The following LRP1B variants were observed in gnomAD, a reference collection of about 807,000 sequenced individuals.
LRP1B encodes low-density lipoprotein receptor-related protein 1B.
LRP1B carries 217 observed loss-of-function variants against 556.6 expected under a neutral mutation model. The observed-to-expected ratio is 0.39, with a 90% CI of 0.35 to 0.44. The LOEUF (loss-of-function observed/expected upper bound fraction) is 0.44. Among genes scored for constraint, LRP1B ranks in the 20% least tolerant of loss-of-function variants. LRP1B has a pLI of 1.00. For synonymous variants in LRP1B, 2,047 were observed against 1,865.8 expected, an observed-to-expected ratio of 1.10 and a Z score of -2.50; for missense variants, 5,053 against 5,620.8, an observed-to-expected ratio of 0.90 and a Z score of 3.23.
chr2:141,660,392 T>C (rs1182213914), intron 2 of LRP1B, among the ~76,000 whole-genome samples: 1 of 135,304 alleles, frequency 7.4e-6, no homozygotes, highest in Non-Finnish European at 1.6e-5. Flanking sequence ...AGATTCTCAG[T>C]GGCCGCCTGG....
chr2:141,648,471 G>T (rs1574192150), intron 2 of LRP1B, among the ~76,000 whole-genome samples: 1 of 152,100 alleles, frequency 6.6e-6, no homozygotes, highest in Non-Finnish European at 1.5e-5. Flanking sequence ...CAGGAGAAAT[G>T]GACTTTTCTC....
chr2:140,553,025 A>G (rs936317721), intron 43 of LRP1B, among the ~76,000 whole-genome samples: 3 of 152,046 alleles, frequency 2.0e-5, no homozygotes, highest in Non-Finnish European at 4.4e-5. Flanking sequence ...CAGACAACAT[A>G]TTTCCAACAC....
chr2:141,016,141 C>T (rs1031529681), intron 12 of LRP1B, among the ~76,000 whole-genome samples: 4 of 152,046 alleles, frequency 2.6e-5, no homozygotes, highest in African/African-American at 9.7e-5. Context: ...AAGCCAACTA[C>T]CACCACTATC....
At chr2:141,329,924 C>T (rs1452362436) in intron 3 of LRP1B, among the ~76,000 whole-genome samples, 6 of 151,994 alleles carry the variant, frequency 3.9e-5, no homozygotes, top group East Asian at 3.9e-4. Context: ...ACCTACTCTA[C>T]GCTCAACGCA....
intron 2 of LRP1B, among the ~76,000 whole-genome samples, chr2:141,789,755 G>A (rs142734111): frequency 7.7e-4 from 117 of 152,046 alleles, no homozygotes; most frequent in African/African-American, 2.1e-3. Flanking sequence ...GGTGAGTAGG[G>A]CCAAGGAAAC....
chr2:140,261,794 A>T (rs1446200111), intron 86 of LRP1B, among the ~76,000 whole-genome samples: 1 of 151,992 alleles, frequency 6.6e-6, no homozygotes, highest in African/African-American at 2.4e-5. Context: ...ACATGAAGGA[A>T]CTGAACGGAA....
chr2:141,579,731 T>TTTC (rs1686895068), intron 2 of LRP1B, among the ~76,000 whole-genome samples: 1 of 140,112 alleles, frequency 7.1e-6, no homozygotes, highest in Admixed American at 7.0e-5. Context: ...TCACTTTTTT[T>TTTC]TTTTTTTTTT....
intron 2 of LRP1B, among the ~76,000 whole-genome samples, chr2:141,709,998 G>T (rs1434360497): frequency 2.0e-5 from 3 of 151,902 alleles, no homozygotes; most frequent in African/African-American, 7.3e-5. Flanking sequence ...GAGTTCTTTG[G>T]GGTCAATTTT....
chr2:141,061,796 T>C (rs1699343487), intron 8 of LRP1B, among the ~76,000 whole-genome samples: 1 of 151,744 alleles, frequency 6.6e-6, no homozygotes, highest in Admixed American at 6.6e-5. Flanking sequence ...ATTTTTGTCT[T>C]TGTTGTTTTG....
chr2:140,979,371 C>A (rs1351414186), intron 18 of LRP1B, among the ~76,000 whole-genome samples: 2 of 152,142 alleles, frequency 1.3e-5, no homozygotes, highest in Non-Finnish European at 2.9e-5. Context: ...TATGAATTTA[C>A]AATTAAACAT....
intron 12 of LRP1B, among the ~76,000 whole-genome samples, chr2:141,017,626 C>G (rs910909797): frequency 6.6e-6 from 1 of 150,486 alleles, no homozygotes; most frequent in Non-Finnish European, 1.5e-5. Flanking sequence ...CTAAGTAATG[C>G]CAATCTGAGA....
intron 41 of LRP1B, among the ~76,000 whole-genome samples, chr2:140,628,091 A>G (rs1462665903): frequency 6.6e-6 from 1 of 152,230 alleles, no homozygotes; most frequent in Admixed American, 6.5e-5. Flanking sequence ...AAGTGGATCC[A>G]GGACACCAGC....
chr2:140,346,494 T>C (rs937342514), intron 77 of LRP1B, among the ~76,000 whole-genome samples: 1 of 151,966 alleles, frequency 6.6e-6, no homozygotes, highest in Admixed American at 6.6e-5. Context: ...ATGGTAATGA[T>C]GTAATGATCT....
chr2:141,216,872 C>T (rs1013319696), intron 6 of LRP1B, among the ~76,000 whole-genome samples: 5 of 152,140 alleles, frequency 3.3e-5, no homozygotes, highest in African/African-American at 1.2e-4. Context: ...GCATATACCT[C>T]CATTGTATCT....
rs1699116248 is a variant in LRP1B, at chr2:141,054,147, C to T, written c.1552+969G>A. Among the ~76,000 whole-genome samples, 4 of 151,998 alleles carry T rather than the reference C, an allele frequency of 2.6e-5. No homozygotes were observed. In the South Asian group the frequency reaches 6.2e-4, roughly 24 times the overall value. ...CTATTAGTAGCTCTAACCATTCAGA[C>T]TTCAAATTCTAACACATTTAGTGAT... On this transcript the variant is annotated intron_variant, in intron 10 of 90. Coordinates refer to ENST00000389484, the MANE Select transcript of LRP1B (RefSeq NM_018557.3).
At chr2:141,211,657 C>T (rs1217127165) in intron 6 of LRP1B, among the ~76,000 whole-genome samples, 3 of 152,046 alleles carry the variant, frequency 2.0e-5, no homozygotes, top group African/African-American at 4.8e-5. Flanking sequence ...TTCAGGAAGG[C>T]TTTTTATGGC....
At chr2:140,342,975 T>A (rs1436281954) in intron 77 of LRP1B, among the ~76,000 whole-genome samples, 1 of 151,058 alleles carries the variant, frequency 6.6e-6, no homozygotes, top group Non-Finnish European at 1.5e-5. Context: ...GCAAAAACCA[T>A]CAGAAACAAA....
chr2:141,640,164 G>A (rs1393385410), intron 2 of LRP1B, among the ~76,000 whole-genome samples: 1 of 152,254 alleles, frequency 6.6e-6, no homozygotes, highest in African/African-American at 2.4e-5. Flanking sequence ...GCTGAAGTGA[G>A]AACCAAGATT....
intron 7 of LRP1B, among the ~76,000 whole-genome samples, chr2:141,142,183 C>T (rs183493599): frequency 6.6e-6 from 1 of 152,190 alleles, no homozygotes; most frequent in Non-Finnish European, 1.5e-5. Flanking sequence ...CGTGAAAGAA[C>T]CTTGACACCT....
Sources: allele counts gnomAD v4.1 joint callset (sites outside exome capture counted in the v4.1 genomes callset), GRCh38; gene constraint gnomAD v4.1.1; transcripts MANE v1.5; gene names NCBI Gene and HGNC (gene_info 2026-07-23, HGNC 2026-07-21).